WASF2: variants seen among roughly 807,000 people sequenced by gnomAD.
WASF2 encodes the protein WASP family member 2.
In WASF2, 14 loss-of-function variants were observed where a neutral mutation model predicts 45.0. That is an observed-to-expected ratio of 0.31 (90% CI 0.21 to 0.49). The LOEUF is 0.49. Among genes scored for constraint, WASF2 ranks in the 20% least tolerant of loss-of-function variants. The pLI, the probability that WASF2 is intolerant of heterozygous loss-of-function variation, is 0.99. For missense variants in WASF2, 439 were observed against 636.1 expected (o/e 0.69, Z 3.33); for synonymous variants, 200 against 236.3 (o/e 0.85, Z 1.41).
At chr1:27,481,866 T>C (rs1001186278) in intron 1 of WASF2, among the ~76,000 whole-genome samples, 2 of 152,260 alleles carry the variant, frequency 1.3e-5, no homozygotes, top group African/African-American at 4.8e-5. Flanking sequence ...CAAAGTTTAA[T>C]AGCCTCTCCT....
intron 1 of WASF2, among the ~76,000 whole-genome samples, chr1:27,435,389 A>G (rs953248229): frequency 1.2e-4 from 18 of 152,142 alleles, no homozygotes; most frequent in African/African-American, 4.3e-4. Flanking sequence ...GTTCAAGACC[A>G]GCTTGGGCAA....
In WASF2 at chr1:27,407,235, C is replaced by T. The variant is rs957036814; in HGVS notation, c.*954G>A. The T allele has an allele frequency of 2.0e-5, 3 of 152,750 alleles. No individual in the cohort carries two copies. Among genetic ancestry groups the T allele is most frequent in the Admixed American group, 6.5e-5 (1 of 15,286 alleles). 9.5% of individuals were successfully genotyped at this position (152,750 alleles called of 1,614,324 possible). A position where few individuals can be genotyped will look rare whatever the true frequency, so the allele number is the denominator to read the frequency against. On this transcript the variant is annotated 3_prime_UTR_variant, in exon 9 of 9. Transcript: ENST00000618852. The stretch of plus-strand genomic sequence containing the variant: ...AGCACAGGTGACTTGGAATCAGGAA[C>T]TCTGCGCTCTAGCTATGTCACTATC...
rs1043351785 is a variant in WASF2, at chr1:27,454,274, TG to T, written c.-43-25342del. 8.0e-5 allele frequency among the ~76,000 whole-genome samples: 12 copies of T among 149,736 alleles called. 1 individual carries two copies. The highest frequency in any genetic ancestry group is 7.3e-4 in the Admixed American group (11 of 14,972). ...CAGTGCATGATCACTCTTTGTAACC[TG>T]TAACTCCTGGGCTCAGGCAATCCTC... is the stretch of plus-strand genomic sequence containing the variant. On this transcript the variant is annotated intron_variant, in intron 1 of 8. Transcript: ENST00000618852.
chr1:27,486,208 A>T (rs1409903069), intron 1 of WASF2, among the ~76,000 whole-genome samples: 1 of 152,232 alleles, frequency 6.6e-6, no homozygotes, highest in Non-Finnish European at 1.5e-5. Context: ...AATAAAATAC[A>T]TCTGATTTAA....
intron 4 of WASF2, among the ~76,000 whole-genome samples, chr1:27,416,462 C>G (rs1460115298): frequency 1.3e-5 from 2 of 152,166 alleles, no homozygotes; most frequent in African/African-American, 4.8e-5. Flanking sequence ...GGATTTCTAC[C>G]ACTGGTTCCT....
intron 1 of WASF2, among the ~76,000 whole-genome samples, chr1:27,456,292 A>G (rs978475064): frequency 7.2e-6 from 1 of 139,308 alleles, no homozygotes; most frequent in African/African-American, 2.7e-5. Flanking sequence ...ACTGCACTCT[A>G]TCCTGGGCTA....
At chr1:27,466,799 T>C (rs1040458788) in intron 1 of WASF2, among the ~76,000 whole-genome samples, 20 of 150,956 alleles carry the variant, frequency 1.3e-4, no homozygotes, top group African/African-American at 4.9e-4. Flanking sequence ...GAGGCTGCAA[T>C]GAGCTGAAAT....
At chr1:27,462,979 C>T (rs2017567058) in intron 1 of WASF2, among the ~76,000 whole-genome samples, 1 of 152,044 alleles carries the variant, frequency 6.6e-6, no homozygotes, top group African/African-American at 2.4e-5. Context: ...GCCACCATGC[C>T]TGGCTAATTT....
chr1:27,422,618 CAAA>C (rs782035111), intron 2 of WASF2, among the ~76,000 whole-genome samples: 3 of 128,852 alleles, frequency 2.3e-5, no homozygotes, highest in South Asian at 2.5e-4. Flanking sequence ...GACTCCGTCT[CAAA>C]AAAAAAAAAA....
At chr1:27,479,023 A>T (rs1284828166) in intron 1 of WASF2, among the ~76,000 whole-genome samples, 3 of 151,964 alleles carry the variant, frequency 2.0e-5, no homozygotes, top group African/African-American at 7.2e-5. Context: ...GTGGTGGCTC[A>T]CGCCTGTAAT....
At chr1:27,480,514 TA>T (rs538477000) in intron 1 of WASF2, among the ~76,000 whole-genome samples, 3,137 of 143,890 alleles carry the variant, frequency 0.022, 103 homozygotes, top group African/African-American at 0.074. Context: ...AGACTCCATC[TA>T]AAAAAAAAAG....
At chr1:27,445,561 AATGAGT>A (rs1485684018) in intron 1 of WASF2, among the ~76,000 whole-genome samples, 6 of 152,226 alleles carry the variant, frequency 3.9e-5, no homozygotes, top group Non-Finnish European at 5.9e-5. Context: ...AAATGGTGTT[AATGAGT>A]ATAACATACT....
In WASF2 at chr1:27,415,984, C is replaced by T; in HGVS notation, c.537+1G>A. 6.2e-7 allele frequency: 1 copy of T among 1,613,044 alleles called. No homozygotes were observed. Reference sequence around the variant, plus strand: ...GAGAACAGAGGCCCCTTTCCCCTCACCCTATGCTTTCTCTTCTCTTTCATG... The same window carrying T: ...GAGAACAGAGGCCCCTTTCCCCTCATCCTATGCTTTCTCTTCTCTTTCATG... On this transcript the variant is annotated splice_donor_variant, in intron 5 of 8. Transcript: ENST00000618852. LOFTEE classifies it high-confidence loss of function.
At chr1:27,415,380 A>AAAACG (rs780697905) in intron 5 of WASF2, among the ~76,000 whole-genome samples, 2 of 152,244 alleles carry the variant, frequency 1.3e-5, no homozygotes, top group Non-Finnish European at 2.9e-5. Flanking sequence ...AAAACAAAAC[A>AAAACG]AAAATCAATG....
rs762564686 is a variant in WASF2 at position 27,428,720 on chromosome 1, C to T, written c.130+41G>A. Reference sequence around the variant, plus strand: ...AAGGAAACTAAATAAAGAGCACCAACGACCCCTGAGGGCAAAGCACAGGCT... The same window carrying T: ...AAGGAAACTAAATAAAGAGCACCAATGACCCCTGAGGGCAAAGCACAGGCT... On this transcript the variant is annotated intron_variant, in intron 2 of 8. Coordinates refer to ENST00000618852, the MANE Select transcript of WASF2 (RefSeq NM_006990.5). 11 of 1,613,776 alleles carry T rather than the reference C, an allele frequency of 6.8e-6. No individual in the cohort carries two copies. The East Asian group carries it at 1.1e-4, about 16-fold the overall frequency.
At chr1:27,428,991 C>T in intron 1 of WASF2, 58 bp from the exon 2 acceptor site, 1 of 1,067,000 alleles carries the variant, frequency 9.4e-7, no homozygotes, top group Non-Finnish European at 1.3e-6. Context: ...CACACTAGGG[C>T]TGTGTGAATC....
chr1:27,418,261 G>T lies in WASF2; in HGVS notation c.419+8C>A. 6.2e-7 allele frequency: 1 copy of T among 1,612,362 alleles called. No homozygotes were observed. On this transcript the variant is annotated splice_region_variant and intron_variant, in intron 4 of 8. Coordinates refer to ENST00000618852, the MANE Select transcript of WASF2 (RefSeq NM_006990.5). ...GGTTGAAAAAGGGAGGAACTAGCCAGCCATTACCTGTAAGGGGTAAGATTG... is the reference window on the plus strand; with the variant it reads ...GGTTGAAAAAGGGAGGAACTAGCCATCCATTACCTGTAAGGGGTAAGATTG...
intron 1 of WASF2, among the ~76,000 whole-genome samples, chr1:27,437,592 C>T (rs971104327): frequency 1.3e-5 from 2 of 152,184 alleles, no homozygotes; most frequent in Non-Finnish European, 2.9e-5. Flanking sequence ...TCACTGATGA[C>T]TTTCAGTTAC....
At chr1:27,446,232 C>CTGGT (rs1470067114) in intron 1 of WASF2, among the ~76,000 whole-genome samples, 1 of 151,958 alleles carries the variant, frequency 6.6e-6, no homozygotes, top group Non-Finnish European at 1.5e-5. Context: ...ATGCAAGAAA[C>CTGGT]TGGTATCTCT....
Sources: allele counts gnomAD v4.1 joint callset (sites outside exome capture counted in the v4.1 genomes callset), GRCh38; gene constraint gnomAD v4.1.1; transcripts MANE v1.5; gene names NCBI Gene and HGNC (gene_info 2026-07-23, HGNC 2026-07-21).